The following FSIP1 variants were observed in gnomAD, a reference collection of about 807,000 sequenced individuals.
FSIP1 encodes fibrous sheath interacting protein 1, also known as fibrous sheath-interacting protein 1.
A neutral mutation model predicts 60.9 loss-of-function variants in FSIP1; 65 were observed. That is an observed-to-expected ratio of 1.07 (90% confidence interval 0.87 to 1.31). The LOEUF (loss-of-function observed/expected upper bound fraction) is 1.31, where lower values mean the gene tolerates loss of function less well. Ranked by LOEUF, FSIP1 falls within the 40% of genes most tolerant of loss-of-function variation. The pLI is 0.00. For synonymous variants in FSIP1, 209 were observed against 221.2 expected (o/e 0.94, Z 0.49); for missense variants, 675 against 665.5 (o/e 1.01, Z -0.16).
intron 10 of FSIP1, among the ~76,000 whole-genome samples, chr15:39,625,436 C>T (rs1891599851): frequency 6.6e-6 from 1 of 152,160 alleles, no homozygotes; most frequent in Non-Finnish European, 1.5e-5. Flanking sequence ...TGTGGAGGTG[C>T]TCGGCAGGAG....
chr15:39,774,963 CCTGTTGATTTTGAGGTCTT>C (rs894216876), intron 2 of FSIP1, among the ~76,000 whole-genome samples: 6 of 152,160 alleles, frequency 3.9e-5, no homozygotes, highest in East Asian at 3.8e-4. Flanking sequence ...TTGCTGGTCA[CCTGTTGATTTTGAGGTCTT>C]CTGTTGATTT....
intron 10 of FSIP1, among the ~76,000 whole-genome samples, chr15:39,648,691 G>A (rs1319008782): frequency 6.6e-6 from 1 of 152,320 alleles, no homozygotes; most frequent in South Asian, 2.1e-4. Flanking sequence ...GGTGAAATGT[G>A]TGATGTAATT....
chr15:39,763,991 G>T, intron 4 of FSIP1, 77 bp from the exon 5 acceptor site: 4 of 776,170 alleles, frequency 5.2e-6, no homozygotes, highest in South Asian at 3.1e-5. Flanking sequence ...ACTCCAACAC[G>T]GCTCCCAATC....
rs146693846 is a variant in FSIP1 at position 39,657,806 on chromosome 15, G to A, written c.1189-39561C>T. Among the ~76,000 whole-genome samples, 47 of 152,164 alleles carry A rather than the reference G, an allele frequency of 3.1e-4. No homozygotes were observed. In the East Asian group the frequency reaches 6.8e-3, roughly 22 times the overall value. On this transcript the variant is annotated intron_variant, in intron 10 of 11. Coordinates refer to ENST00000350221, the MANE Select transcript of FSIP1 (RefSeq NM_152597.5). ...CAATATTAATAAAAAATTATAGCCC[G>A]CAATGTGGACTGATGTCAAAAATCA...
chr15:39,623,613 T>C (rs540704422), intron 10 of FSIP1, among the ~76,000 whole-genome samples: 38 of 152,142 alleles, frequency 2.5e-4, no homozygotes, highest in Non-Finnish European at 3.8e-4. Context: ...AACACCTCCG[T>C]AGTAGTCTAT....
At chr15:39,688,928 T>C (rs1232846218) in intron 10 of FSIP1, among the ~76,000 whole-genome samples, 1 of 152,214 alleles carries the variant, frequency 6.6e-6, no homozygotes, top group Non-Finnish European at 1.5e-5. Context: ...GTGTATTTTC[T>C]AGAGGTCTGT....
At chr15:39,715,372 T>C (rs1326972903) in intron 9 of FSIP1, among the ~76,000 whole-genome samples, 1 of 152,110 alleles carries the variant, frequency 6.6e-6, no homozygotes, top group African/African-American at 2.4e-5. Context: ...GCTCCTTTAT[T>C]GCACTTACCA....
chr15:39,646,705 T>TAAA (rs36049904), intron 10 of FSIP1, among the ~76,000 whole-genome samples: 1 of 138,054 alleles, frequency 7.2e-6, no homozygotes, highest in African/African-American at 2.6e-5. Flanking sequence ...CACTGTCTCT[T>TAAA]AAAAAAAAAA....
intron 4 of FSIP1, among the ~76,000 whole-genome samples, chr15:39,764,770 T>C (rs4924388): frequency 0.14 from 21,171 of 152,158 alleles, 1,807 homozygotes; most frequent in Admixed American, 0.27. Flanking sequence ...ACTTCACAGC[T>C]TCCCAAAGAT....
At chr15:39,778,494 T>A (rs564226801) in intron 1 of FSIP1, among the ~76,000 whole-genome samples, 1 of 152,156 alleles carries the variant, frequency 6.6e-6, no homozygotes, top group African/African-American at 2.4e-5. Context: ...AATTTGGCCA[T>A]CTAGAAAAAG....
At chr15:39,631,708 T>C (rs1891897137) in intron 10 of FSIP1, among the ~76,000 whole-genome samples, 1 of 152,240 alleles carries the variant, frequency 6.6e-6, no homozygotes, top group Admixed American at 6.5e-5. Flanking sequence ...TGGTCTGCTG[T>C]GAAAATAGAA....
At chr15:39,758,142 A>ATG (rs1897359349) in intron 5 of FSIP1, among the ~76,000 whole-genome samples, 3 of 152,130 alleles carry the variant, frequency 2.0e-5, no homozygotes. Flanking sequence ...CAGAAATACA[A>ATG]TGTGAGCATA....
At chr15:39,774,826 T>C (rs1484900479) in intron 2 of FSIP1, among the ~76,000 whole-genome samples, 3 of 152,196 alleles carry the variant, frequency 2.0e-5, no homozygotes, top group African/African-American at 7.2e-5. Context: ...ACCAGCTTTG[T>C]GGTTCTGAGG....
chr15:39,621,287 G>A (rs568273579), intron 10 of FSIP1, among the ~76,000 whole-genome samples: 1 of 152,284 alleles, frequency 6.6e-6, no homozygotes, highest in African/African-American at 2.4e-5. Context: ...TAAGTGAGAG[G>A]CCCTGAGCTG....
chr15:39,733,064 C>T (rs1010167069), intron 8 of FSIP1, among the ~76,000 whole-genome samples: 4 of 151,894 alleles, frequency 2.6e-5, no homozygotes, highest in East Asian at 3.9e-4. Flanking sequence ...TTTTTTGAGA[C>T]GAGTCTCTCT....
intron 10 of FSIP1, among the ~76,000 whole-genome samples, chr15:39,674,575 G>GA (rs201344034): frequency 0.06 from 8,689 of 144,828 alleles, 653 homozygotes; most frequent in Admixed American, 0.21. Flanking sequence ...AGAGGGCCCA[G>GA]AAAAAAAAAA....
At chr15:39,714,915 G>T (rs1456058401) in intron 9 of FSIP1, among the ~76,000 whole-genome samples, 1 of 146,522 alleles carries the variant, frequency 6.8e-6, no homozygotes, top group African/African-American at 2.5e-5. Flanking sequence ...CGAGGCTGCA[G>T]TGAGCTGTGA....
chr15:39,722,767 A>C (rs72727067), intron 9 of FSIP1, among the ~76,000 whole-genome samples: 18,060 of 151,828 alleles, frequency 0.12, 1,314 homozygotes, highest in African/African-American at 0.2. Flanking sequence ...CACACCTCTA[A>C]AAAAAATTAA....
intron 10 of FSIP1, among the ~76,000 whole-genome samples, chr15:39,644,416 CACCAGTCAAGGCATCCTGCTGA>C (rs1892506483): frequency 6.6e-6 from 1 of 152,168 alleles, no homozygotes; most frequent in East Asian, 1.9e-4. Context: ...GTGTTATCGC[CACCAGTCAAGGCATCCTGCTGA>C]ACCAGGCTGC....
Sources: allele counts gnomAD v4.1 joint callset (sites outside exome capture counted in the v4.1 genomes callset), GRCh38; gene constraint gnomAD v4.1.1; transcripts MANE v1.5; gene names NCBI Gene and HGNC (gene_info 2026-07-23, HGNC 2026-07-21).